The following RUSC2 variants were observed in gnomAD, a reference collection of about 807,000 sequenced individuals.
The protein encoded by RUSC2 is RUN and SH3 domain containing 2.
Under a neutral mutation model 122.2 loss-of-function variants are expected in RUSC2, and 34 were observed. The ratio of observed to expected loss-of-function variants is 0.28; its 90% CI spans 0.21 to 0.37. The LOEUF is 0.37. Among genes scored for constraint, RUSC2 ranks in the 10% least tolerant of loss-of-function variants. The pLI, the probability that RUSC2 is intolerant of heterozygous loss-of-function variation, is 1.00. For missense variants in RUSC2, 1,747 were observed against 1,952.4 expected, an observed-to-expected ratio of 0.89 and a Z score of 1.98; for synonymous variants, 784 against 790.0, an observed-to-expected ratio of 0.99 and a Z score of 0.13.
At chr9:35,492,468 GA>G (rs77064640) in intron 1 of RUSC2, among the ~76,000 whole-genome samples, 233 of 138,438 alleles carry the variant, frequency 1.7e-3, no homozygotes, top group East Asian at 5.0e-3. Context: ...AGTTACCCAG[GA>G]AAAAAAAAAA....
intron 2 of RUSC2, among the ~76,000 whole-genome samples, chr9:35,550,482 C>T (rs1393106879): frequency 1.3e-5 from 2 of 150,012 alleles, no homozygotes; most frequent in Admixed American, 6.6e-5. Context: ...AAAAATTAGC[C>T]GGGTGTGGTG....
At chr9:35,506,612 A>T (rs1820921395) in intron 1 of RUSC2, among the ~76,000 whole-genome samples, 1 of 152,232 alleles carries the variant, frequency 6.6e-6, no homozygotes, top group Non-Finnish European at 1.5e-5. Context: ...AAAAGATCTG[A>T]TTAATTTAGT....
In RUSC2 at chr9:35,560,316, G is replaced by C; in HGVS notation, c.3676G>C (p.Gly1226Arg). The change falls in exon 10 of 12, where the codon GGG (glycine) becomes CGG (arginine). Residue 1226 changes from glycine to arginine, a missense_variant. Coordinates refer to ENST00000361226, the MANE Select transcript of RUSC2 (RefSeq NM_014806.5). ...GPGDVDRAAQ[G>R]ERVKGVGASE... Reference sequence around the variant, plus strand: ...TGGAGACGTGGACAGGGCAGCCCAAGGGGAGCGGGTGAAGGGTGTGGGTGC... The same window carrying C: ...TGGAGACGTGGACAGGGCAGCCCAACGGGAGCGGGTGAAGGGTGTGGGTGC... 6.2e-7 allele frequency: 1 copy of C among 1,604,252 alleles called. No homozygotes were observed. The highest frequency in any genetic ancestry group is 8.5e-7 in the Non-Finnish European group (1 of 1,174,630).
At chr9:35,514,219 G>A (rs891697362) in intron 1 of RUSC2, among the ~76,000 whole-genome samples, 1 of 152,018 alleles carries the variant, frequency 6.6e-6, no homozygotes, top group African/African-American at 2.4e-5. Context: ...AGAAGTGCAA[G>A]GTGCTTTGAG....
chr9:35,543,135 A>G (rs1364968375), intron 1 of RUSC2, among the ~76,000 whole-genome samples: 1 of 152,168 alleles, frequency 6.6e-6, no homozygotes, highest in Admixed American at 6.6e-5. Flanking sequence ...AAAGAAAAAA[A>G]ATTGTTTAGG....
chr9:35,511,701 A>G (rs899804293), intron 1 of RUSC2, among the ~76,000 whole-genome samples: 1 of 152,254 alleles, frequency 6.6e-6, no homozygotes, highest in Non-Finnish European at 1.5e-5. Context: ...AGATGAAGAT[A>G]GCCTCTGTCC....
Position 35,546,949 on chromosome 9 carries a change from T to C in RUSC2, c.428T>C (p.Leu143Pro). ...GGCACTGGCCAGCCCAACTTTCATC[T>C]ATCCTCTTTCCAGCTGCCACCATCT... ...LHGTGQPNFH[L>P]SSFQLPPSGP... The change falls in exon 2 of 12, where the codon CTA (leucine) becomes CCA (proline). Residue 143 changes from leucine (L) to proline (P), a missense_variant. Physicochemically the swap from Leu to Pro is moderately conservative, Grantham distance 98 (BLOSUM62 -3). Coordinates refer to ENST00000361226, the MANE Select transcript of RUSC2 (RefSeq NM_014806.5). The surrounding 1 kb of genome is among the most constrained non-coding windows in gnomAD (Gnocchi z 4.3). 1 of 1,576,070 alleles carries C rather than the reference T, an allele frequency of 6.3e-7. No individual in the cohort carries two copies. The highest frequency in any genetic ancestry group is 1.2e-5 in the South Asian group (1 of 83,598).
intron 1 of RUSC2, among the ~76,000 whole-genome samples, chr9:35,524,996 C>G (rs1821298057): frequency 6.6e-6 from 1 of 151,552 alleles, no homozygotes; most frequent in Non-Finnish European, 1.5e-5. Context: ...CTCTGGTAAT[C>G]CCTTGGCTAC....
At chr9:35,537,291 G>A (rs1821548952) in intron 1 of RUSC2, among the ~76,000 whole-genome samples, 1 of 152,158 alleles carries the variant, frequency 6.6e-6, no homozygotes, top group African/African-American at 2.4e-5. Flanking sequence ...TAAGAGGCTC[G>A]AACTCCAAAC....
intron 1 of RUSC2, among the ~76,000 whole-genome samples, chr9:35,545,104 T>C (rs531941678): frequency 1.3e-5 from 2 of 152,308 alleles, no homozygotes; most frequent in Non-Finnish European, 2.9e-5. Flanking sequence ...TTTTTATGCA[T>C]TGTTTGTTCA....
intron 1 of RUSC2, among the ~76,000 whole-genome samples, chr9:35,504,424 T>C (rs1366536851): frequency 6.6e-6 from 1 of 152,074 alleles, no homozygotes; most frequent in African/African-American, 2.4e-5. Flanking sequence ...TTTGTTCATA[T>C]CCTGGCAATT....
rs140854223 is a variant in RUSC2, at chr9:35,506,415, C to T, written c.-93+16243C>T. 2.5e-3 allele frequency among the ~76,000 whole-genome samples: 384 copies of T among 152,326 alleles called. 1 individual carries two copies. Among genetic ancestry groups the T allele is most frequent in the African/African-American group, 8.7e-3 (361 of 41,564 alleles). ...AAGATCTTCCTGTCCCCCTTCCCCACAATTCGTGATAGGCTTTATTTTCCA... is the reference window on the plus strand; with the variant it reads ...AAGATCTTCCTGTCCCCCTTCCCCATAATTCGTGATAGGCTTTATTTTCCA... On this transcript the variant is annotated intron_variant, in intron 1 of 11. Coordinates refer to ENST00000361226, the MANE Select transcript of RUSC2 (RefSeq NM_014806.5).
At chr9:35,521,366 C>T (rs1564251442) in intron 1 of RUSC2, among the ~76,000 whole-genome samples, 1 of 152,144 alleles carries the variant, frequency 6.6e-6, no homozygotes, top group Admixed American at 6.6e-5. Context: ...GATTGAATCC[C>T]TTTTGAGCAT....
Position 35,557,057 on chromosome 9 carries a change from C to T in RUSC2, c.2983+609C>T, listed in dbSNP as rs370936044. ...AATGCCTCAGTGCTCTTGGAGGGGG[C>T]GGGTGAAGGTACTAGAGGGCCCAGC... On this transcript the variant is annotated intron_variant, in intron 5 of 11. Coordinates refer to ENST00000361226, the MANE Select transcript of RUSC2 (RefSeq NM_014806.5). This position sits in a 1 kb window ranked among gnomAD's most constrained non-coding sequence, Gnocchi z 4.6. Among the ~76,000 whole-genome samples, 2 of 148,778 alleles carry T rather than the reference C, an allele frequency of 1.3e-5. No homozygotes were observed. Among genetic ancestry groups the T allele is most frequent in the Non-Finnish European group, 3.0e-5 (2 of 66,884 alleles).
At position 35,557,982 on chromosome 9, in the gene RUSC2, G is replaced by C. The variant is rs778441826; in HGVS notation, c.3052G>C (p.Gly1018Arg). The change falls in exon 6 of 12, where the codon GGG becomes CGG. Residue 1018 changes from glycine to arginine, a missense_variant. Coordinates refer to ENST00000361226, the MANE Select transcript of RUSC2 (RefSeq NM_014806.5). This position sits in a 1 kb window ranked among gnomAD's most constrained non-coding sequence, Gnocchi z 4.6. ...VAHFGTSRDP[G>R]VKAKLGNSSV... ...TCATTTTGGCACAAGCCGGGATCCC[G>C]GGGTGAAGGTAGGCAAGGAAATGTG... The C allele has an allele frequency of 6.2e-7, 1 of 1,614,138 alleles. No individual in the cohort carries two copies. Among genetic ancestry groups the C allele is most frequent in the African/African-American group, 1.3e-5 (1 of 75,050 alleles).
chr9:35,497,964 C>A (rs1017588274), intron 1 of RUSC2, among the ~76,000 whole-genome samples: 2 of 152,208 alleles, frequency 1.3e-5, no homozygotes, highest in Middle Eastern at 3.4e-3. Flanking sequence ...AACAACTTTG[C>A]CTATATTCTC....
In RUSC2 at chr9:35,560,041, C is replaced by T; in HGVS notation, c.3401C>T (p.Thr1134Ile). ...TCTTTTCCCCTAGACATCATCCAGA[C>T]CCACTACCAGCCCTGGGGCTTCCTG... is the stretch of plus-strand genomic sequence containing the variant. ...HLYNHEDIIQ[T>I]HYQPWGFLSA... is the part of the protein sequence containing the mutation. Residue 1134 changes from threonine (T) to isoleucine (I), a missense_variant, in exon 10 of 12, where the codon ACC becomes ATC. By Grantham distance (89) the Thr-to-Ile change is moderately conservative (BLOSUM62 -1). Coordinates refer to ENST00000361226, the MANE Select transcript of RUSC2 (RefSeq NM_014806.5). 6.3e-7 allele frequency: 1 copy of T among 1,598,688 alleles called. No homozygotes were observed. The highest frequency in any genetic ancestry group is 1.3e-5 in the African/African-American group (1 of 74,768).
intron 2 of RUSC2, among the ~76,000 whole-genome samples, chr9:35,552,354 CTG>C (rs1821917352): frequency 6.6e-6 from 1 of 152,124 alleles, no homozygotes; most frequent in Non-Finnish European, 1.5e-5. Flanking sequence ...AAGTGAGACT[CTG>C]TCTCAGAAAA....
intron 1 of RUSC2, among the ~76,000 whole-genome samples, chr9:35,508,387 A>G (rs1047390619): frequency 1.3e-5 from 2 of 152,234 alleles, no homozygotes; most frequent in African/African-American, 4.8e-5. Context: ...GTGAATGTGA[A>G]CATATCTCAG....
Sources: gnomAD v4.1 joint callset for allele counts (sites outside exome capture counted in the v4.1 genomes callset) on GRCh38, gnomAD v4.1.1 for gene constraint, Gnocchi (gnomAD v3.1) non-coding constraint, MANE v1.5 for transcripts, NCBI Gene and HGNC (gene_info 2026-07-23, HGNC 2026-07-21) for gene names.